MGST3: variants seen among roughly 807,000 people sequenced by gnomAD.
The protein encoded by MGST3 is microsomal glutathione S-transferase 3.
A neutral mutation model predicts 15.8 loss-of-function variants in MGST3; 13 were observed. The ratio of observed to expected loss-of-function variants is 0.82; its 90% CI spans 0.54 to 1.31. The LOEUF is 1.31. Among genes scored for constraint, MGST3 ranks in the 50% most tolerant of loss-of-function variants. The probability of loss-of-function intolerance (pLI) is 0.00; values close to 1 mark genes in which losing one functional copy is unlikely to be tolerated. For synonymous variants in MGST3, 49 were observed against 68.1 expected (o/e 0.72, Z 1.38); for missense variants, 155 against 192.4 (o/e 0.81, Z 1.15).
chr1:165,651,311 T>A, intron 3 of MGST3: 1 of 584,508 alleles, frequency 1.7e-6, no homozygotes, highest in Non-Finnish European at 3.1e-6. Flanking sequence ...TTTCAAAAAA[T>A]GTCTTCATGG....
intron 2 of MGST3, chr1:165,650,768 T>A (rs990092263): frequency 3.9e-6 from 2 of 515,306 alleles, no homozygotes; most frequent in Non-Finnish European, 7.1e-6. Context: ...CAAAGCTGCC[T>A]CTTTCCCTTG....
chr1:165,636,133 G>T (rs897266049), intron 1 of MGST3, among the ~76,000 whole-genome samples: 2 of 152,142 alleles, frequency 1.3e-5, no homozygotes, highest in African/African-American at 4.8e-5. Context: ...TGAACCCAAA[G>T]AAATCCCATG....
At chr1:165,638,999 A>AG (rs1241632408) in intron 1 of MGST3, among the ~76,000 whole-genome samples, 1 of 140,670 alleles carries the variant, frequency 7.1e-6, no homozygotes, top group Non-Finnish European at 1.5e-5. Flanking sequence ...CAATCAGTCA[A>AG]GAAAAAAAAA....
chr1:165,645,461 T>C (rs1254760776), intron 1 of MGST3, among the ~76,000 whole-genome samples: 1 of 152,218 alleles, frequency 6.6e-6, no homozygotes, highest in Non-Finnish European at 1.5e-5. Flanking sequence ...TGCTTGCACC[T>C]GTTTTACAGT....
intron 1 of MGST3, chr1:165,631,922 C>T (rs917523726): frequency 1.3e-5 from 4 of 298,072 alleles, no homozygotes; most frequent in Middle Eastern, 9.8e-4. Context: ...CGCCTCTAGG[C>T]GGGTGGGGGA....
Position 165,655,487 on chromosome 1 carries a change from C to T in MGST3, c.442C>T (p.Pro148Ser), listed in dbSNP as rs1190328277. ...GGTTAAAAGTGGCTTGGGCAGTGGA[C>T]CCAAATGCTGCCATTAAAGAATTAT... ...GWVKSGLGSG[P>S]KCCH is the part of the protein sequence containing the mutation. The change falls in exon 6 of 6, where the codon CCC (proline) becomes TCC (serine). Residue 148 changes from proline to serine, a missense_variant. Pro to Ser is a moderately conservative substitution (Grantham distance 74). Transcript: ENST00000367889. 1 of 1,613,992 alleles carries T rather than the reference C, an allele frequency of 6.2e-7. No homozygotes were observed.
At chr1:165,649,365 T>C (rs951731665) in intron 1 of MGST3, 128 of 166,020 alleles carry the variant, frequency 7.7e-4, no homozygotes, top group African/African-American at 3.0e-3. Context: ...TCTCTCTCTC[T>C]CCCTCTCCTC....
intron 1 of MGST3, among the ~76,000 whole-genome samples, chr1:165,640,113 A>G (rs1180388332): frequency 4.6e-5 from 7 of 152,190 alleles, no homozygotes; most frequent in African/African-American, 1.4e-4. Flanking sequence ...TCATTTGACT[A>G]TGGGAAAATC....
At chr1:165,637,701 T>C (rs2101715107) in intron 1 of MGST3, among the ~76,000 whole-genome samples, 1 of 152,320 alleles carries the variant, frequency 6.6e-6, no homozygotes, top group East Asian at 1.9e-4. Flanking sequence ...CCCAGGAAAC[T>C]CTGTCAGTAA....
rs1571156464 is a variant in MGST3, at chr1:165,652,029, C to T, written c.243C>T (p.Tyr81=). 1 of 1,612,236 alleles carries T rather than the reference C, an allele frequency of 6.2e-7. No individual in the cohort carries two copies. ...FLFFLAVGGV[Y]HPRIASGLGL... is the part of the protein sequence containing the mutation. The stretch of plus-strand genomic sequence containing the variant: ...TTTTTCTAGCTGTTGGAGGTGTTTA[C>T]CACCCGGTAAGTTTTCCAGGAGGTG... Residue 81 remains tyrosine (Y), a synonymous_variant, in exon 4 of 6, where the codon TAC becomes TAT. Transcript: ENST00000367889.
intron 3 of MGST3, chr1:165,651,464 T>C: frequency 2.8e-6 from 1 of 356,060 alleles, no homozygotes; most frequent in Non-Finnish European, 5.4e-6. Flanking sequence ...TTGTTAGATG[T>C]GAGGTCCTTT....
At chr1:165,647,918 C>G (rs1327873104) in intron 1 of MGST3, 2 of 152,158 alleles carry the variant, frequency 1.3e-5, no homozygotes, top group Non-Finnish European at 2.9e-5. Flanking sequence ...CCTTGGCCTC[C>G]CAAATTGTTG....
At chr1:165,649,638 T>C (rs1419291146) in intron 1 of MGST3, 5 of 587,806 alleles carry the variant, frequency 8.5e-6, no homozygotes, top group African/African-American at 5.6e-5. Context: ...TTTCTGTGTA[T>C]AGACTGCATA....
chr1:165,643,838 A>C (rs1219239601), intron 1 of MGST3, among the ~76,000 whole-genome samples: 1 of 152,196 alleles, frequency 6.6e-6, no homozygotes, highest in African/African-American at 2.4e-5. Flanking sequence ...ACTGCAGTCC[A>C]GCCTGGGCGA....
At chr1:165,641,606 AT>A (rs1648268472) in intron 1 of MGST3, among the ~76,000 whole-genome samples, 1 of 152,192 alleles carries the variant, frequency 6.6e-6, no homozygotes, top group African/African-American at 2.4e-5. Flanking sequence ...ACCAACATTT[AT>A]TGTTTATACC....
intron 2 of MGST3, 149 bp downstream of exon 2, chr1:165,650,113 C>A: frequency 8.4e-7 from 1 of 1,188,324 alleles, no homozygotes; most frequent in Non-Finnish European, 1.2e-6. Flanking sequence ...TCTGCTTCTT[C>A]ATGGTAGGAA....
intron 3 of MGST3, chr1:165,651,471 C>CT (rs1648553711): frequency 5.7e-6 from 2 of 349,854 alleles, no homozygotes; most frequent in African/African-American, 4.2e-5. Context: ...ATGTGAGGTC[C>CT]TTTTACTCAG....
At chr1:165,650,277 G>T in intron 2 of MGST3, 1 of 390,172 alleles carries the variant, frequency 2.6e-6, no homozygotes, top group South Asian at 2.3e-5. Flanking sequence ...TTCCACAGAG[G>T]GTTAAATAGC....
At position 165,632,055 on chromosome 1, in the gene MGST3, A is replaced by G. The variant is rs571794029; in HGVS notation, c.-8+762A>G. On this transcript the variant is annotated intron_variant, in intron 1 of 5. Transcript: ENST00000367889. The stretch of plus-strand genomic sequence containing the variant: ...CGGTGGAAGGCGCTGGAGACTCCTT[A>G]GTGAGTCATTCCCCGAAGTTGTGGC... 7.0e-4 allele frequency: 411 copies of G among 586,744 alleles called. 5 individuals are homozygous for G. Among genetic ancestry groups the G allele is most frequent in the South Asian group, 5.7e-3 (273 of 47,892 alleles). The allele number at this position is 586,744 out of a possible 1,614,324, so 36.3% of individuals were successfully genotyped here.
Sources: allele counts gnomAD v4.1 joint callset (sites outside exome capture counted in the v4.1 genomes callset), GRCh38; gene constraint gnomAD v4.1.1; transcripts MANE v1.5; gene names NCBI Gene and HGNC (gene_info 2026-07-23, HGNC 2026-07-21).